The following ABCC1 variants were observed in gnomAD, a reference collection of about 807,000 sequenced individuals.
The protein encoded by ABCC1 is ATP binding cassette subfamily C member 1 (ABCC1 blood group), also known as multidrug resistance-associated protein 1.
Under a neutral mutation model 172.9 loss-of-function variants are expected in ABCC1, and 83 were observed. The ratio of observed to expected loss-of-function variants is 0.48; its 90% CI spans 0.40 to 0.58. The LOEUF (loss-of-function observed/expected upper bound fraction) is 0.58, where lower values mean the gene tolerates loss of function less well. Ranked by LOEUF, ABCC1 falls within the 20% of genes least tolerant of loss-of-function variation. The pLI, the probability that ABCC1 is intolerant of heterozygous loss-of-function variation, is 0.00. For missense variants in ABCC1, 1,817 were observed against 2,002.7 expected, an observed-to-expected ratio of 0.91 and a Z score of 1.77; for synonymous variants, 937 against 825.2, an observed-to-expected ratio of 1.14 and a Z score of -2.32.
chr16:16,026,845 A>AG (rs1403969392), intron 5 of ABCC1, among the ~76,000 whole-genome samples: 1 of 152,062 alleles, frequency 6.6e-6, no homozygotes, highest in African/African-American at 2.4e-5. Context: ...TGAACCTGGG[A>AG]GGTGGAGGTT....
At chr16:16,038,268 C>T (rs1157620874) in intron 7 of ABCC1, among the ~76,000 whole-genome samples, 1 of 152,076 alleles carries the variant, frequency 6.6e-6, no homozygotes, top group Non-Finnish European at 1.5e-5. Context: ...GAAGTCCCAC[C>T]CTAGGTCATC....
chr16:16,022,387 G>A (rs968051140), intron 5 of ABCC1, among the ~76,000 whole-genome samples: 5 of 152,126 alleles, frequency 3.3e-5, no homozygotes, highest in Admixed American at 1.3e-4. Flanking sequence ...AGCTCCGGCC[G>A]GTCCCCAGTC....
intron 1 of ABCC1, among the ~76,000 whole-genome samples, chr16:15,959,683 C>T (rs2046086544): frequency 6.6e-6 from 1 of 152,136 alleles, no homozygotes; most frequent in Non-Finnish European, 1.5e-5. Flanking sequence ...TTTAAAGTGC[C>T]CCAGGAGAAG....
chr16:16,131,884 CCTGG>C lies in ABCC1; in HGVS notation c.3916_3919del (p.Leu1306ThrfsTer30). On this transcript the variant is annotated frameshift_variant, in exon 27 of 31. Coordinates refer to ENST00000399410, the MANE Select transcript of ABCC1 (RefSeq NM_004996.4). LOFTEE classifies it high-confidence loss of function. ...ACTACTGCCTGCGCTACCGAGAGGA[CCTGG>C]ACTTCGTTCTCAGGCACATCAATGT... The C allele has an allele frequency of 1.2e-6, 2 of 1,614,184 alleles. No individual in the cohort carries two copies.
intron 4 of ABCC1, 43 bp from the exon 5 acceptor site, chr16:16,016,453 C>T (rs1040786118): frequency 2.5e-6 from 4 of 1,611,092 alleles, no homozygotes; most frequent in African/African-American, 1.3e-5. Flanking sequence ...CACACCCAGC[C>T]CCAGAATGTG....
intron 7 of ABCC1, among the ~76,000 whole-genome samples, chr16:16,043,153 G>A (rs2049043263): frequency 6.7e-6 from 1 of 148,708 alleles, no homozygotes; most frequent in African/African-American, 2.5e-5. Context: ...ATGAACCACT[G>A]CACCCAGTCA....
intron 17 of ABCC1, 98 bp downstream of exon 17, chr16:16,083,640 G>C (rs887747666): frequency 1.3e-6 from 2 of 1,492,450 alleles, no homozygotes; most frequent in Non-Finnish European, 9.2e-7. Context: ...GCTGCTATCA[G>C]CTGACCCGGC....
At chr16:16,106,895 A>T (rs1193815000) in intron 21 of ABCC1, 22 bp downstream of exon 21, 1 of 1,613,788 alleles carries the variant, frequency 6.2e-7, no homozygotes, top group Non-Finnish European at 8.5e-7. Flanking sequence ...TCCTTAAGTG[A>T]TGACAGTGGC....
chr16:15,986,069 G>C (rs1375625753), intron 1 of ABCC1, among the ~76,000 whole-genome samples: 1 of 151,642 alleles, frequency 6.6e-6, no homozygotes, highest in Non-Finnish European at 1.5e-5. Context: ...TGAGTAGCTG[G>C]GATTACAGGT....
intron 1 of ABCC1, among the ~76,000 whole-genome samples, chr16:15,962,080 G>T (rs1411478922): frequency 6.6e-6 from 1 of 152,128 alleles, no homozygotes; most frequent in African/African-American, 2.4e-5. Context: ...TTAAGCACCT[G>T]TTGTTTTCCT....
chr16:15,973,890 T>A (rs774379627), intron 1 of ABCC1, among the ~76,000 whole-genome samples: 1 of 150,120 alleles, frequency 6.7e-6, no homozygotes. Flanking sequence ...GAGGCAGAGG[T>A]GGGATGATCA....
In ABCC1 at chr16:16,009,888, T is replaced by C; in HGVS notation, c.338T>C (p.Leu113Ser). 1 of 1,605,338 alleles carries C rather than the reference T, an allele frequency of 6.2e-7. No homozygotes were observed. Among genetic ancestry groups the C allele is most frequent in the South Asian group, 1.1e-5 (1 of 89,268 alleles). ...APVFLVSPTL[L>S]GITMLLATFL... ...GTGTTTCTGGTCAGCCCAACTCTCT[T>C]GGGCATCACCATGGTAAGTAGGAGC... The change falls in exon 3 of 31, where the codon TTG becomes TCG. Residue 113 changes from leucine (L) to serine (S), a missense_variant. This residue lies in a region of ABCC1 where 398 missense variants were observed against 384.2 expected (regional missense o/e 1.04). Coordinates refer to ENST00000399410, the MANE Select transcript of ABCC1 (RefSeq NM_004996.4).
intron 21 of ABCC1, 52 bp from the exon 22 acceptor site, chr16:16,111,323 T>C: frequency 6.5e-6 from 10 of 1,540,248 alleles, no homozygotes; most frequent in African/African-American, 1.4e-5. Flanking sequence ...GGGCTGGGGC[T>C]GGGGCTGGGT....
In ABCC1 at chr16:16,090,494, C is replaced by CTCCT. The variant is rs1175392080; in HGVS notation, c.2551_2554dup (p.Tyr852PhefsTer14). ...GTGGCGGCAAGATCTCTGAGATGGGCTCCTACCAGGAGCTGCTGGCTCGAG... is the reference window on the plus strand; with the variant it reads ...GTGGCGGCAAGATCTCTGAGATGGGCTCCTTCCTACCAGGAGCTGCTGGCTCGAG... On this transcript the variant is annotated frameshift_variant, in exon 19 of 31. Transcript: ENST00000399410. LOFTEE classifies it high-confidence loss of function. 1 of 1,613,918 alleles carries CTCCT rather than the reference C, an allele frequency of 6.2e-7. No individual in the cohort carries two copies.
At chr16:16,019,574 C>T (rs1267874377) in intron 5 of ABCC1, among the ~76,000 whole-genome samples, 2 of 152,178 alleles carry the variant, frequency 1.3e-5, no homozygotes, top group African/African-American at 4.8e-5. Flanking sequence ...GCTCTCTTGC[C>T]ATGGATGGTT....
chr16:16,124,402 T>TGTGG (rs769214646), intron 24 of ABCC1, among the ~76,000 whole-genome samples: 3 of 147,810 alleles, frequency 2.0e-5, no homozygotes, highest in Admixed American at 6.8e-5. Flanking sequence ...TGTGTGTGTG[T>TGTGG]GTGTGTGTAT....
intron 16 of ABCC1, among the ~76,000 whole-genome samples, chr16:16,079,985 A>AT (rs1380244479): frequency 6.6e-6 from 1 of 151,424 alleles, no homozygotes; most frequent in African/African-American, 2.4e-5. Context: ...TAATTTTTAT[A>AT]TTTTTTTAGT....
At chr16:15,985,808 C>G (rs1211542552) in intron 1 of ABCC1, among the ~76,000 whole-genome samples, 1 of 151,928 alleles carries the variant, frequency 6.6e-6, no homozygotes, top group Non-Finnish European at 1.5e-5. Context: ...ACACATCACT[C>G]TAGTTCTCGG....
intron 12 of ABCC1, among the ~76,000 whole-genome samples, chr16:16,062,885 C>G (rs968420550): frequency 6.6e-6 from 1 of 152,166 alleles, no homozygotes; most frequent in African/African-American, 2.4e-5. Flanking sequence ...CCACCTAATG[C>G]ACTTTCCTAA....
Sources: allele counts gnomAD v4.1 joint callset (sites outside exome capture counted in the v4.1 genomes callset), GRCh38; gene constraint gnomAD v4.1.1; regional missense constraint gnomAD v4.1.1; transcripts MANE v1.5; gene names NCBI Gene and HGNC (gene_info 2026-07-23, HGNC 2026-07-21).